CNGB3: variants seen among roughly 807,000 people sequenced by gnomAD.
CNGB3 encodes cyclic nucleotide-gated channel beta-3.
Under a neutral mutation model 92.8 loss-of-function variants are expected in CNGB3, and 86 were observed. That is an observed-to-expected ratio of 0.93 (90% CI 0.78 to 1.11). The LOEUF is 1.11. CNGB3 is among the 50% of genes least tolerant of loss of function. The pLI is 0.00. For synonymous variants in CNGB3, 333 were observed against 332.7 expected (o/e 1.00, Z -0.01); for missense variants, 1,026 against 956.8 (o/e 1.07, Z -0.95).
At chr8:86,715,604 G>A (rs1481088736) in intron 3 of CNGB3, among the ~76,000 whole-genome samples, 2 of 151,900 alleles carry the variant, frequency 1.3e-5, no homozygotes, top group Non-Finnish European at 2.9e-5. Flanking sequence ...GATGGAACCA[G>A]AAAAGATCTC....
At position 86,647,839 on chromosome 8, in the gene CNGB3, C is replaced by T. The variant is rs760502027; in HGVS notation, c.952G>A (p.Gly318Arg). The T allele has an allele frequency of 2.5e-6, 4 of 1,595,300 alleles. No individual in the cohort carries two copies. The highest frequency in any genetic ancestry group is 1.7e-5 in the Admixed American group (1 of 59,676). Residue 318 changes from glycine to arginine, a missense_variant, in exon 8 of 18, where the codon GGG becomes AGG. Transcript: ENST00000320005. ...TTTGCTCTAAACATTGGATTAAACC[C>T]AAAGAAGAGGTAGCAAATATCAAAT... ...IPFDICYLFF[G>R]FNPMFRANRM... is the part of the protein sequence containing the mutation.
At chr8:86,584,704 A>C (rs1821859760) in intron 15 of CNGB3, among the ~76,000 whole-genome samples, 1 of 152,146 alleles carries the variant, frequency 6.6e-6, no homozygotes. Context: ...GAGTACAAAG[A>C]GTTGAGGTTG....
intron 2 of CNGB3, among the ~76,000 whole-genome samples, chr8:86,735,285 G>A (rs928452704): frequency 1.3e-5 from 2 of 151,422 alleles, no homozygotes; most frequent in African/African-American, 4.9e-5. Flanking sequence ...TGGGACTACA[G>A]GCATCCACCA....
chr8:86,701,054 A>G (rs1824546665), intron 3 of CNGB3, among the ~76,000 whole-genome samples: 1 of 152,246 alleles, frequency 6.6e-6, no homozygotes, highest in African/African-American at 2.4e-5. Flanking sequence ...GCTCCACTAA[A>G]ATCCCTGCCT....
At chr8:86,636,572 CAAAAAAAAAAAAAAA>C (rs57907634) in intron 10 of CNGB3, among the ~76,000 whole-genome samples, 21 of 40,100 alleles carry the variant, frequency 5.2e-4, no homozygotes, top group African/African-American at 2.0e-3. Flanking sequence ...GACCCTGTCT[CAAAAAAAAAAAAAAA>C]AAAAAAAAAA....
intron 16 of CNGB3, 61 bp downstream of exon 16, chr8:86,579,045 C>A: frequency 1.2e-6 from 2 of 1,603,748 alleles, no homozygotes; most frequent in Non-Finnish European, 1.7e-6. Context: ...TTCTCCCTAT[C>A]TCAGAGTTTA....
chr8:86,610,338 T>G (rs993332966), intron 14 of CNGB3, among the ~76,000 whole-genome samples: 2 of 152,204 alleles, frequency 1.3e-5, no homozygotes, highest in African/African-American at 4.8e-5. Flanking sequence ...AATAAATCAT[T>G]CTAAAATTGT....
At chr8:86,626,844 T>C (rs1822859064) in intron 12 of CNGB3, among the ~76,000 whole-genome samples, 1 of 152,214 alleles carries the variant, frequency 6.6e-6, no homozygotes. Flanking sequence ...TTCTTTTTTT[T>C]TTCTTTTTTT....
At position 86,638,828 on chromosome 8, in the gene CNGB3, GT is replaced by G. The variant is rs112127539; in HGVS notation, c.1178+4922del. On this transcript the variant is annotated intron_variant, in intron 10 of 17. Transcript: ENST00000320005. ...CTGATCCACTGATTCTTTGCTCTGG[GT>G]TTTTTTTTTTGTTTTGTTTGTTTGT... Among the ~76,000 whole-genome samples the G allele has an allele frequency of 6.2e-4, 91 of 146,174 alleles. 1 individual carries two copies. The highest frequency in any genetic ancestry group is 5.0e-4 in the Non-Finnish European group (33 of 65,892).
chr8:86,711,244 T>A (rs1341935489), intron 3 of CNGB3, among the ~76,000 whole-genome samples: 1 of 152,168 alleles, frequency 6.6e-6, no homozygotes, highest in Admixed American at 6.5e-5. Flanking sequence ...GTTATCAGAT[T>A]AACTCTGTTG....
chr8:86,665,261 A>G (rs1304718222), intron 6 of CNGB3, among the ~76,000 whole-genome samples: 1 of 152,214 alleles, frequency 6.6e-6, no homozygotes, highest in Non-Finnish European at 1.5e-5. Context: ...AAAAGTCAAA[A>G]AACAGCTGAT....
rs1372791752 is a variant in CNGB3 at position 86,687,694 on chromosome 8, T to C, written c.339-16596A>G. Among the ~76,000 whole-genome samples the C allele has an allele frequency of 2.0e-5, 3 of 152,036 alleles. No homozygotes were observed. The South Asian group carries it at 6.2e-4, about 31-fold the overall frequency. On this transcript the variant is annotated intron_variant, in intron 3 of 17. Transcript: ENST00000320005. ...TTTGGTTAATTGTGTGTTATCTGAA[T>C]TTCCCCTCAATCAATTATTTTTTTA...
intron 15 of CNGB3, among the ~76,000 whole-genome samples, chr8:86,585,519 G>T (rs569420499): frequency 1.3e-5 from 2 of 152,110 alleles, no homozygotes; most frequent in South Asian, 4.1e-4. Flanking sequence ...TATCCAGAAA[G>T]AACTCACAAG....
chr8:86,665,850 A>T (rs1823731260), intron 6 of CNGB3, among the ~76,000 whole-genome samples: 1 of 152,188 alleles, frequency 6.6e-6, no homozygotes, highest in Non-Finnish European at 1.5e-5. Flanking sequence ...CACCCAAGAT[A>T]CCCAGGTAAC....
At chr8:86,623,464 G>C (rs777859434) in intron 13 of CNGB3, among the ~76,000 whole-genome samples, 1 of 152,148 alleles carries the variant, frequency 6.6e-6, no homozygotes, top group Admixed American at 6.5e-5. Context: ...GCGCCTTGTT[G>C]CTGCATCCTC....
At position 86,626,225 on chromosome 8, in the gene CNGB3, T is replaced by G. The variant is rs13258590; in HGVS notation, c.1481-145A>C. 272,784 of 678,980 alleles carry G rather than the reference T, an allele frequency of 0.4. 58,608 individuals carry two copies. The highest frequency in any genetic ancestry group is 0.51 in the Middle Eastern group (1,378 of 2,708). 42.1% of individuals were successfully genotyped at this position (678,980 alleles called of 1,614,324 possible). On this transcript the variant is annotated intron_variant, in intron 12 of 17. Coordinates refer to ENST00000320005, the MANE Select transcript of CNGB3 (RefSeq NM_019098.5). ...AATTAGATGCATCAGATTCTATATT[T>G]TCATTACTTCTATTGGACCTCCATA... is the stretch of plus-strand genomic sequence containing the variant.
chr8:86,717,584 G>GAAAA (rs1824882782), intron 3 of CNGB3, among the ~76,000 whole-genome samples: 1 of 146,234 alleles, frequency 6.8e-6, no homozygotes, highest in Non-Finnish European at 1.5e-5. Flanking sequence ...AAAAAAAATC[G>GAAAA]AGGACTTTAA....
chr8:86,663,718 T>C (rs1018168597), intron 6 of CNGB3, among the ~76,000 whole-genome samples: 8 of 152,226 alleles, frequency 5.3e-5, no homozygotes, highest in African/African-American at 1.9e-4. Flanking sequence ...CATAGTCTTC[T>C]TACCAAAATG....
At chr8:86,717,727 C>T (rs923262311) in intron 3 of CNGB3, among the ~76,000 whole-genome samples, 2 of 152,060 alleles carry the variant, frequency 1.3e-5, no homozygotes, top group Non-Finnish European at 2.9e-5. Context: ...TTCATCAGCA[C>T]CTGGAACATT....
Sources: gnomAD v4.1 joint callset for allele counts (sites outside exome capture counted in the v4.1 genomes callset) on GRCh38, gnomAD v4.1.1 for gene constraint, MANE v1.5 for transcripts, NCBI Gene and HGNC (gene_info 2026-07-23, HGNC 2026-07-21) for gene names.